MCM3AP: variants seen among roughly 807,000 people sequenced by gnomAD.
MCM3AP encodes minichromosome maintenance complex component 3 associated protein.
In MCM3AP, 126 loss-of-function variants were observed where a neutral mutation model predicts 184.1. The ratio of observed to expected loss-of-function variants is 0.68; its 90% CI spans 0.59 to 0.79. MCM3AP has a LOEUF of 0.79. Ranked by LOEUF, MCM3AP falls within the 30% of genes least tolerant of loss-of-function variation. The pLI is 0.00. For synonymous variants in MCM3AP, 1,002 were observed against 979.3 expected (o/e 1.02, Z -0.43); for missense variants, 2,496 against 2,479.2 (o/e 1.01, Z -0.14).
chr21:46,278,349 C>G (rs548632117), intron 4 of MCM3AP, among the ~76,000 whole-genome samples: 1 of 152,196 alleles, frequency 6.6e-6, no homozygotes, highest in Non-Finnish European at 1.5e-5. Context: ...CATTCTCTCT[C>G]AGCTTCCCCA....
Position 46,241,032 on chromosome 21 carries a change from T to C in MCM3AP, c.5427-15A>G, listed in dbSNP as rs1404949587. On this transcript the variant is annotated splice_polypyrimidine_tract_variant and intron_variant, in intron 25 of 27. Transcript: ENST00000291688. ...TTATTGCCAAACTGTAAGTACATGATTTGAAATGTTTATGGTCAAGAGAAA... is the reference window on the plus strand; with the variant it reads ...TTATTGCCAAACTGTAAGTACATGACTTGAAATGTTTATGGTCAAGAGAAA... 6.3e-7 allele frequency: 1 copy of C among 1,578,892 alleles called. No homozygotes were observed. The highest frequency in any genetic ancestry group is 8.7e-7 in the Non-Finnish European group (1 of 1,150,940).
intron 23 of MCM3AP, 128 bp downstream of exon 23, chr21:46,244,679 G>T: frequency 2.0e-6 from 2 of 988,996 alleles, no homozygotes; most frequent in Non-Finnish European, 1.5e-6. Context: ...ACAGCATGGA[G>T]ACACACGGAG....
chr21:46,273,059 C>A (rs564724175), intron 7 of MCM3AP, among the ~76,000 whole-genome samples: 2 of 151,782 alleles, frequency 1.3e-5, no homozygotes, highest in Non-Finnish European at 2.9e-5. Flanking sequence ...CTCACCACAA[C>A]CTCCGCCTCC....
chr21:46,277,863 A>G, intron 4 of MCM3AP, 146 bp from the exon 5 acceptor site: 2 of 484,314 alleles, frequency 4.1e-6, no homozygotes, highest in South Asian at 7.3e-5. Context: ...ATGAGTTTTG[A>G]TAAGGATGGT....
rs2081078146 is a variant in MCM3AP at position 46,264,193 on chromosome 21, G to A, written c.3259C>T (p.Leu1087Phe). The A allele has an allele frequency of 6.2e-7, 1 of 1,613,286 alleles. No homozygotes were observed. The highest frequency in any genetic ancestry group is 2.2e-5 in the East Asian group (1 of 44,862). ...DEDLAQVVDE[L>F]IQEALQRDCE... ...TCCCTCTGCAGGGCCTCCTGGATGA[G>A]CTCGTCCACCACCTGCGCCAGGTCC... The change falls in exon 13 of 28, where the codon CTC (leucine) becomes TTC (phenylalanine). Residue 1087 changes from leucine (L) to phenylalanine (F), a missense_variant. Coordinates refer to ENST00000291688, the MANE Select transcript of MCM3AP (RefSeq NM_003906.5).
rs118010516 is a variant in MCM3AP at position 46,242,197 on chromosome 21, A to G, written c.5426+605T>C. On this transcript the variant is annotated intron_variant, in intron 25 of 27. Coordinates refer to ENST00000291688, the MANE Select transcript of MCM3AP (RefSeq NM_003906.5). Reference sequence around the variant, plus strand: ...CTGTACTGGTCAGGATTTCCAGGACAATAGTGAATAATAGTCGGGACAACA... The same window carrying G: ...CTGTACTGGTCAGGATTTCCAGGACGATAGTGAATAATAGTCGGGACAACA... 6.9e-3 allele frequency: 1,050 copies of G among 152,780 alleles called. 7 individuals carry two copies. The highest frequency in any genetic ancestry group is 0.01 in the Non-Finnish European group (710 of 68,078). 9.5% of individuals were successfully genotyped at this position (152,780 alleles called of 1,614,324 possible). A position where few individuals can be genotyped will look rare whatever the true frequency, so the allele number is the denominator to read the frequency against.
chr21:46,251,489 A>T, intron 20 of MCM3AP, 40 bp downstream of exon 20: 1 of 1,535,492 alleles, frequency 6.5e-7, no homozygotes, highest in African/African-American at 1.4e-5. Flanking sequence ...AGTGAAAGTA[A>T]TGAAAACACA....
At chr21:46,243,142 C>G (rs900099204) in intron 24 of MCM3AP, 1 of 596,734 alleles carries the variant, frequency 1.7e-6, no homozygotes, top group African/African-American at 1.9e-5. Context: ...AAATAGGCTC[C>G]CAGGGTCCAT....
chr21:46,263,444 G>A (rs1197675251), intron 13 of MCM3AP, among the ~76,000 whole-genome samples: 1 of 151,822 alleles, frequency 6.6e-6, no homozygotes, highest in Non-Finnish European at 1.5e-5. Context: ...CTAAATAAAT[G>A]GAAAGACATC....
intron 23 of MCM3AP, among the ~76,000 whole-genome samples, chr21:46,244,020 T>C (rs2080721631): frequency 6.6e-6 from 1 of 152,254 alleles, no homozygotes; most frequent in African/African-American, 2.4e-5. Context: ...GAGTCTGGTA[T>C]AAGCAGTCTT....
intron 9 of MCM3AP, among the ~76,000 whole-genome samples, chr21:46,269,679 G>A (rs1038283451): frequency 1.3e-5 from 2 of 152,182 alleles, no homozygotes; most frequent in African/African-American, 4.8e-5. Context: ...CTACGGGCTT[G>A]TGGCAAGGAA....
Position 46,272,548 on chromosome 21 carries a change from T to A in MCM3AP, c.2465+13A>T. The stretch of plus-strand genomic sequence containing the variant: ...CAGCCACCTTAGGACAACTTTTGGA[T>A]GTGAAAATTCACCTTAGGATGTCTC... On this transcript the variant is annotated intron_variant, in intron 8 of 27. Transcript: ENST00000291688. 6.2e-7 allele frequency: 1 copy of A among 1,609,638 alleles called. No individual in the cohort carries two copies. The highest frequency in any genetic ancestry group is 8.5e-7 in the Non-Finnish European group (1 of 1,177,370).
chr21:46,283,505 T>C lies in MCM3AP; in HGVS notation c.1443+110A>G, dbSNP rs1343347844. On this transcript the variant is annotated intron_variant, in intron 2 of 27. Transcript: ENST00000291688. ...CTATGCTAATAAGATATTTGAGTAC[T>C]TTCTCTATATTATAGTAAGCAAACA... 5.9e-6 allele frequency: 4 copies of C among 680,132 alleles called. No homozygotes were observed. The East Asian group carries it at 8.1e-5, about 14-fold the overall frequency. The allele number at this position is 680,132 out of a possible 1,614,324, so 42.1% of individuals were successfully genotyped here. A position where few individuals can be genotyped will look rare whatever the true frequency, so the allele number is the denominator to read the frequency against.
intron 26 of MCM3AP, 129 bp downstream of exon 26, chr21:46,240,682 A>C: frequency 5.2e-6 from 4 of 774,762 alleles, no homozygotes; most frequent in Non-Finnish European, 8.5e-6. Flanking sequence ...TACATCACTA[A>C]AACTGTTGCT....
Position 46,280,462 on chromosome 21 carries a change from T to C in MCM3AP, c.1522+35A>G, listed in dbSNP as rs183735366. 1.1e-3 allele frequency: 1,602 copies of C among 1,455,646 alleles called. 5 individuals carry two copies. Among genetic ancestry groups the C allele is most frequent in the Admixed American group, 2.1e-3 (116 of 54,338 alleles). The allele number at this position is 1,455,646 out of a possible 1,614,324, so 90.2% of individuals were successfully genotyped here. ...CTCTATAAAATAAATAAAAATAATT[T>C]TTTTAAAAAGTGAAAAGAATAATTG... is the stretch of plus-strand genomic sequence containing the variant. On this transcript the variant is annotated intron_variant, in intron 3 of 27. Coordinates refer to ENST00000291688, the MANE Select transcript of MCM3AP (RefSeq NM_003906.5).
At chr21:46,264,337 G>A (rs2081080034) in intron 12 of MCM3AP, 120 bp from the exon 13 acceptor site, 2 of 632,418 alleles carry the variant, frequency 3.2e-6, no homozygotes, top group South Asian at 2.0e-5. Context: ...CCCCTGACAC[G>A]GGGTCGGCTA....
chr21:46,283,605 G>A lies in MCM3AP; in HGVS notation c.1443+10C>T, dbSNP rs760254283. ...TCTAGGGTAACAAATGGCAAGATGG[G>A]AGTACTCACATGATCAAAGAAATGT... is the stretch of plus-strand genomic sequence containing the variant. On this transcript the variant is annotated intron_variant, in intron 2 of 27. Transcript: ENST00000291688. 55 of 1,585,390 alleles carry A rather than the reference G, an allele frequency of 3.5e-5. No homozygotes were observed. The South Asian group carries it at 6.0e-4, about 17-fold the overall frequency.
intron 19 of MCM3AP, 199 bp from the exon 20 acceptor site, chr21:46,251,881 C>CATTT: frequency 8.0e-6 from 1 of 124,790 alleles, no homozygotes. Context: ...TGTACTCGTT[C>CATTT]TTTTTTTTTT....
At chr21:46,272,990 G>A (rs964995614) in intron 7 of MCM3AP, among the ~76,000 whole-genome samples, 161 bp from the exon 8 acceptor site, 13 of 150,766 alleles carry the variant, frequency 8.6e-5, no homozygotes, top group African/African-American at 3.0e-4. Context: ...TAAAAGTCCT[G>A]GGGTTTGTTT....
Sources: gnomAD v4.1 joint callset for allele counts (sites outside exome capture counted in the v4.1 genomes callset) on GRCh38, gnomAD v4.1.1 for gene constraint, MANE v1.5 for transcripts, NCBI Gene and HGNC (gene_info 2026-07-23, HGNC 2026-07-21) for gene names.